The following ZNF324B variants were observed in gnomAD, a reference collection of about 807,000 sequenced individuals.
ZNF324B encodes zinc finger protein 324B.
In ZNF324B, 7 loss-of-function variants were observed where a neutral mutation model predicts 10.6. The observed-to-expected ratio is 0.66, with a 90% CI of 0.38 to 1.24. ZNF324B has a LOEUF of 1.24. Among genes scored for constraint, ZNF324B ranks in the 50% most tolerant of loss-of-function variants. ZNF324B has a pLI of 0.02. For synonymous variants in ZNF324B, 316 were observed against 321.0 expected, an observed-to-expected ratio of 0.98 and a Z score of 0.17; for missense variants, 640 against 764.7, an observed-to-expected ratio of 0.84 and a Z score of 1.92.
the ZNF324B span, chr19:58,444,401 G>C: frequency 6.6e-6 from 1 of 152,228 alleles, no homozygotes; most frequent in Non-Finnish European, 1.5e-5. Context: ...TTGGGATGCT[G>C]AGGCAGGAGG....
the ZNF324B span, among the ~76,000 whole-genome samples, chr19:58,427,798 A>G: frequency 0.55 from 82,888 of 151,570 alleles, 24,228 homozygotes; most frequent in African/African-American, 0.77. Context: ...GGCATGCCAC[A>G]ATCATGCCCA....
chr19:58,422,167 T>G, the ZNF324B span, among the ~76,000 whole-genome samples: 1 of 152,242 alleles, frequency 6.6e-6, no homozygotes, highest in African/African-American at 2.4e-5. Context: ...TCTGCCCCTC[T>G]TACCCTCCTA....
chr19:58,454,345 G>A lies in ZNF324B; in HGVS notation c.238+1G>A, dbSNP rs377414143. 2 of 1,604,090 alleles carry A rather than the reference G, an allele frequency of 1.2e-6. No homozygotes were observed. The highest frequency in any genetic ancestry group is 2.7e-5 in the African/African-American group (2 of 74,778). On this transcript the variant is annotated splice_donor_variant, in intron 3 of 3. Transcript: ENST00000336614. LOFTEE classifies it high-confidence loss of function. ...AACACCTACGGGAGGCTCAACTCTG[G>A]TGAGTGGGAGCTCAGGTGGGGTGAA...
At chr19:58,433,387 C>T in the ZNF324B span, 1 of 1,614,218 alleles carries the variant, frequency 6.2e-7, no homozygotes, top group Non-Finnish European at 8.5e-7. Flanking sequence ...CCCACACTGG[C>T]TACACTCATA....
chr19:58,431,318 C>T, the ZNF324B span, among the ~76,000 whole-genome samples: 1 of 152,236 alleles, frequency 6.6e-6, no homozygotes, highest in Non-Finnish European at 1.5e-5. Context: ...TATCCCACTA[C>T]TGAGCCTGTT....
the ZNF324B span, chr19:58,433,968 A>G: frequency 6.2e-7 from 1 of 1,614,098 alleles, no homozygotes; most frequent in Non-Finnish European, 8.5e-7. Context: ...AGGCTTTACC[A>G]CAATCACAGC....
Position 58,456,623 on chromosome 19 carries a change from C to G in ZNF324B, c.*44C>G. On this transcript the variant is annotated 3_prime_UTR_variant, in exon 4 of 4. Transcript: ENST00000336614. The surrounding 1 kb of genome is among the most constrained non-coding windows in gnomAD (Gnocchi z 4.7). ...AACCCTTTCTTGGCCTTCTGTGAAT[C>G]CCTTCCACAGCTAAAGGGTCCGAGT... 6.3e-7 allele frequency: 1 copy of G among 1,582,842 alleles called. No homozygotes were observed. The highest frequency in any genetic ancestry group is 8.6e-7 in the Non-Finnish European group (1 of 1,162,622).
chr19:58,436,667 CAAAAA>C, the ZNF324B span, among the ~76,000 whole-genome samples: 8 of 65,550 alleles, frequency 1.2e-4, no homozygotes, highest in African/African-American at 4.7e-4. Flanking sequence ...GACTCCATCT[CAAAAA>C]AAAAAAAAAA....
chr19:58,441,945 C>G, the ZNF324B span: 3 of 152,164 alleles, frequency 2.0e-5, no homozygotes, highest in African/African-American at 4.8e-5. Context: ...GCTTTGTACT[C>G]CAGTGCCCAC....
the ZNF324B span, chr19:58,431,046 C>G: frequency 6.6e-6 from 1 of 152,236 alleles, no homozygotes; most frequent in Non-Finnish European, 1.5e-5. Context: ...TTCACAAATG[C>G]CTGGCCCTTG....
At chr19:58,425,451 T>TCTTC in the ZNF324B span, among the ~76,000 whole-genome samples, 1 of 149,816 alleles carries the variant, frequency 6.7e-6, no homozygotes, top group South Asian at 2.1e-4. Context: ...CTGTCTTCCT[T>TCTTC]CTTCCTTCCT....
At chr19:58,446,346 TG>T in the ZNF324B span, among the ~76,000 whole-genome samples, 12 of 152,148 alleles carry the variant, frequency 7.9e-5, no homozygotes, top group Non-Finnish European at 1.8e-4. Context: ...TGAGGGACCT[TG>T]GCAGAGCTAT....
upstream of ZNF324B, among the ~76,000 whole-genome samples, chr19:58,448,505 A>G (rs2052837448): frequency 6.6e-6 from 1 of 152,186 alleles, no homozygotes; most frequent in Admixed American, 6.5e-5. Context: ...CAGGTGGATC[A>G]TGAGGTCAGG....
the ZNF324B span, chr19:58,433,961 C>G: frequency 1.6e-5 from 26 of 1,614,158 alleles, no homozygotes; most frequent in Non-Finnish European, 2.0e-5. Flanking sequence ...TTACTGAAGG[C>G]TTTACCACAA....
At chr19:58,453,536 G>T (rs187392266) in intron 1 of ZNF324B, among the ~76,000 whole-genome samples, 160 bp from the exon 2 acceptor site, 362 of 152,224 alleles carry the variant, frequency 2.4e-3, no homozygotes, top group African/African-American at 8.3e-3. Flanking sequence ...AGAGGGGAGG[G>T]GTCCCAGACA....
chr19:58,454,752 A>C, intron 3 of ZNF324B: 1 of 564,698 alleles, frequency 1.8e-6, no homozygotes. Flanking sequence ...GGGGAGACGC[A>C]GTGAGTACGT....
chr19:58,420,833 G>A, the ZNF324B span, among the ~76,000 whole-genome samples: 1 of 151,350 alleles, frequency 6.6e-6, no homozygotes, highest in Non-Finnish European at 1.5e-5. Context: ...TCAGTCTCCC[G>A]AGTAGCTGGG....
chr19:58,455,787 G>A lies in ZNF324B; in HGVS notation c.843G>A (p.Gly281=). 1.2e-6 allele frequency: 2 copies of A among 1,614,096 alleles called. No individual in the cohort carries two copies. The highest frequency in any genetic ancestry group is 1.7e-6 in the Non-Finnish European group (2 of 1,180,014). The change falls in exon 4 of 4, where the codon GGG becomes GGA. Residue 281 remains glycine (G), a synonymous_variant. Transcript: ENST00000336614. This position sits in a 1 kb window ranked among gnomAD's most constrained non-coding sequence, Gnocchi z 7.0. ...TCAAGCACCTACGCACCCACACCGG[G>A]GAGCGGCCCTACGAGTGCACCCAGT... ...DLLKHLRTHT[G]ERPYECTQCG...
rs371577190 is a variant in ZNF324B at position 58,456,058 on chromosome 19, G to T, written c.1114G>T (p.Ala372Ser). 6.2e-6 allele frequency: 10 copies of T among 1,610,574 alleles called. No homozygotes were observed. The African/African-American group carries it at 8.0e-5, about 13-fold the overall frequency. Reference sequence around the variant, plus strand: ...CGCGGGTGGGCGTCCTTATGCTTGCGCACAGTGTGGCCGCCGCTTCTGCCG... The same window carrying T: ...CGCGGGTGGGCGTCCTTATGCTTGCTCACAGTGTGGCCGCCGCTTCTGCCG... ...IHAGGRPYAC[A>S]QCGRRFCRNS... Residue 372 changes from alanine to serine, a missense_variant, in exon 4 of 4, where the codon GCA (alanine) becomes TCA (serine). Ala to Ser is a moderately conservative substitution (Grantham distance 99). This residue lies in a region of ZNF324B where 238 missense variants were observed against 258.0 expected (regional missense o/e 0.92). Coordinates refer to ENST00000336614, the MANE Select transcript of ZNF324B (RefSeq NM_207395.3). The surrounding 1 kb of genome is among the most constrained non-coding windows in gnomAD (Gnocchi z 4.7).
Sources: allele counts gnomAD v4.1 joint callset (sites outside exome capture counted in the v4.1 genomes callset), GRCh38; gene constraint gnomAD v4.1.1; regional missense constraint gnomAD v4.1.1; non-coding constraint Gnocchi (gnomAD v3.1); transcripts MANE v1.5; gene names NCBI Gene and HGNC (gene_info 2026-07-23, HGNC 2026-07-21).